The following RAP1A variants were observed in gnomAD, a reference collection of about 807,000 sequenced individuals.
RAP1A encodes RAP1A, member of RAS oncogene family.
RAP1A carries 6 observed loss-of-function variants against 26.4 expected under a neutral mutation model. The observed-to-expected ratio is 0.23, with a 90% CI of 0.12 to 0.45. RAP1A has a LOEUF of 0.45. RAP1A is among the 20% of genes least tolerant of loss of function. The probability of loss-of-function intolerance (pLI) is 0.99; values close to 1 mark genes in which losing one functional copy is unlikely to be tolerated. For synonymous variants in RAP1A, 73 were observed against 79.4 expected (o/e 0.92, Z 0.43); for missense variants, 121 against 217.2 (o/e 0.56, Z 2.78).
chr1:111,687,891 C>T (rs1466979190), intron 1 of RAP1A, among the ~76,000 whole-genome samples: 2 of 151,856 alleles, frequency 1.3e-5, no homozygotes, highest in Admixed American at 1.3e-4. Context: ...GTGGTGCACT[C>T]CTGTAGTGCC....
intron 1 of RAP1A, among the ~76,000 whole-genome samples, chr1:111,658,017 A>G (rs1660517764): frequency 6.6e-6 from 1 of 152,140 alleles, no homozygotes; most frequent in Admixed American, 6.6e-5. Context: ...ATTTATTGAG[A>G]CTTACTTTAT....
chr1:111,654,486 G>A (rs550010680), intron 1 of RAP1A, among the ~76,000 whole-genome samples: 6 of 152,122 alleles, frequency 3.9e-5, no homozygotes, highest in African/African-American at 4.8e-5. Flanking sequence ...TCAAATCCTC[G>A]TTCTGCCATT....
intron 1 of RAP1A, among the ~76,000 whole-genome samples, chr1:111,655,884 G>A (rs998366373): frequency 6.6e-6 from 1 of 151,354 alleles, no homozygotes; most frequent in East Asian, 1.9e-4. Flanking sequence ...TAGTAGAGAC[G>A]GGGTTTCACC....
intron 1 of RAP1A, among the ~76,000 whole-genome samples, chr1:111,672,590 A>G (rs474860): frequency 0.48 from 72,466 of 151,908 alleles, 17,545 homozygotes; most frequent in African/African-American, 0.55. Flanking sequence ...CAAAGTGGTG[A>G]CTGCACGGCA....
Position 111,715,698 on chromosome 1 carries a change from C to T in RAP1A, c.*3297C>T, listed in dbSNP as rs895338782. ...ACCATTTACTCCTCACTGAAATATT[C>T]TTCTTCTTTGAGGTTATAATGTACT... On this transcript the variant is annotated 3_prime_UTR_variant, in exon 8 of 8. Coordinates refer to ENST00000369709, the MANE Select transcript of RAP1A (RefSeq NM_002884.4). 3 of 152,162 alleles carry T rather than the reference C, an allele frequency of 2.0e-5. No homozygotes were observed. The highest frequency in any genetic ancestry group is 7.2e-5 in the African/African-American group (3 of 41,418). 9.4% of individuals were successfully genotyped at this position (152,162 alleles called of 1,614,324 possible).
intron 1 of RAP1A, among the ~76,000 whole-genome samples, chr1:111,606,861 T>C (rs1017391298): frequency 6.6e-6 from 1 of 152,202 alleles, no homozygotes; most frequent in Non-Finnish European, 1.5e-5. Context: ...AACAAAAGCA[T>C]ACTCGAATGT....
chr1:111,649,351 A>G, intron 1 of RAP1A: 2 of 385,878 alleles, frequency 5.2e-6, no homozygotes, highest in South Asian at 2.2e-5. Flanking sequence ...GATGCCTCCC[A>G]TTCCTGCCAG....
chr1:111,562,975 A>G (rs1437251418), intron 1 of RAP1A, among the ~76,000 whole-genome samples: 4 of 152,240 alleles, frequency 2.6e-5, no homozygotes, highest in Admixed American at 2.6e-4. Context: ...TAGATAGATT[A>G]TCTTTTGAAA....
At position 111,702,903 on chromosome 1, in the gene RAP1A, A is replaced by T. The variant is rs188947594; in HGVS notation, c.184-433A>T. The stretch of plus-strand genomic sequence containing the variant: ...AGAGTTTATTGACTGTCAAGATGAT[A>T]AAAATATTGCTATGCCATGGGAATA... On this transcript the variant is annotated intron_variant, in intron 4 of 7. Transcript: ENST00000369709. Among the ~76,000 whole-genome samples the T allele has an allele frequency of 1.3e-3, 196 of 152,302 alleles. 1 individual carries two copies. The highest frequency in any genetic ancestry group is 2.1e-3 in the Non-Finnish European group (144 of 68,026).
At chr1:111,542,788 C>A (rs1469136304) in intron 1 of RAP1A, among the ~76,000 whole-genome samples, 1 of 152,068 alleles carries the variant, frequency 6.6e-6, no homozygotes, top group African/African-American at 2.4e-5. Flanking sequence ...CCTCCGCCTC[C>A]CGGGTTCAAG....
chr1:111,666,698 C>G (rs187367477), intron 1 of RAP1A, among the ~76,000 whole-genome samples: 3 of 151,732 alleles, frequency 2.0e-5, no homozygotes, highest in Admixed American at 1.3e-4. Flanking sequence ...GGAAAAATGC[C>G]TGATACTATA....
At chr1:111,573,558 C>T (rs977252432) in intron 1 of RAP1A, among the ~76,000 whole-genome samples, 1 of 152,158 alleles carries the variant, frequency 6.6e-6, no homozygotes, top group African/African-American at 2.4e-5. Flanking sequence ...TGGTCTCGAA[C>T]TCCTGACCTC....
intron 1 of RAP1A, among the ~76,000 whole-genome samples, chr1:111,581,588 T>G (rs796232360): frequency 3.7e-4 from 57 of 152,360 alleles, no homozygotes; most frequent in African/African-American, 1.3e-3. Context: ...TTCCACCTGA[T>G]ATAACACAAT....
At chr1:111,699,685 G>T (rs1337170567) in intron 4 of RAP1A, among the ~76,000 whole-genome samples, 7 of 151,058 alleles carry the variant, frequency 4.6e-5, no homozygotes, top group South Asian at 2.1e-4. Flanking sequence ...GTCCAAGCTG[G>T]TCTTGAACTG....
intron 1 of RAP1A, among the ~76,000 whole-genome samples, chr1:111,622,141 T>C (rs1363612595): frequency 6.6e-6 from 1 of 152,214 alleles, no homozygotes; most frequent in Non-Finnish European, 1.5e-5. Flanking sequence ...AATCTCCTAA[T>C]TGATCTTCCA....
At chr1:111,562,257 C>T (rs1478655711) in intron 1 of RAP1A, among the ~76,000 whole-genome samples, 3 of 152,146 alleles carry the variant, frequency 2.0e-5, no homozygotes, top group African/African-American at 7.2e-5. Context: ...TCATTTTGTA[C>T]ATAACCCTTA....
intron 1 of RAP1A, among the ~76,000 whole-genome samples, chr1:111,681,830 C>T (rs891103890): frequency 6.6e-6 from 1 of 152,268 alleles, no homozygotes; most frequent in East Asian, 1.9e-4. Context: ...CATTCAAATT[C>T]AGGAAATACA....
In RAP1A at chr1:111,714,544, GT is replaced by G. The variant is rs1315830484; in HGVS notation, c.*2145del. The G allele has an allele frequency of 6.6e-6, 1 of 152,226 alleles. No individual in the cohort carries two copies. The highest frequency in any genetic ancestry group is 1.5e-5 in the Non-Finnish European group (1 of 68,042). 9.4% of individuals were successfully genotyped at this position (152,226 alleles called of 1,614,324 possible). ...TAGAATGTGGTGGAGAAAGATGATA[GT>G]TATTAGATTCCTTTGTCACATCTTA... On this transcript the variant is annotated 3_prime_UTR_variant, in exon 8 of 8. Coordinates refer to ENST00000369709, the MANE Select transcript of RAP1A (RefSeq NM_002884.4).
Position 111,610,533 on chromosome 1 carries a change from A to AACACACAC in RAP1A, c.-28+68065_-28+68072dup, listed in dbSNP as rs71099922. Among the ~76,000 whole-genome samples the AACACACAC allele has an allele frequency of 5.4e-4, 76 of 141,900 alleles. 1 individual carries two copies. The highest frequency in any genetic ancestry group is 3.5e-4 in the Non-Finnish European group (23 of 65,136). The allele number at this position is 141,900 out of a possible 152,430, so 93.1% of individuals were successfully genotyped here. A position where few individuals can be genotyped will look rare whatever the true frequency, so the allele number is the denominator to read the frequency against. On this transcript the variant is annotated intron_variant, in intron 1 of 7. Coordinates refer to the RAP1A transcript ENST00000356415. ...CCTATTCCACTACTTCCCTCCACCC[A>AACACACAC]ACACACACACACACACACACACACA...
Sources: gnomAD v4.1 joint callset for allele counts (sites outside exome capture counted in the v4.1 genomes callset) on GRCh38, gnomAD v4.1.1 for gene constraint, MANE v1.5 for transcripts, NCBI Gene and HGNC (gene_info 2026-07-23, HGNC 2026-07-21) for gene names.